THSD7B: variants seen among roughly 807,000 people sequenced by gnomAD.
THSD7B encodes the protein thrombospondin type 1 domain containing 7B.
In THSD7B, 138 loss-of-function variants were observed where a neutral mutation model predicts 213.6. That is an observed-to-expected ratio of 0.65 (90% CI 0.56 to 0.74). THSD7B has a LOEUF of 0.74. Among genes scored for constraint, THSD7B ranks in the 30% least tolerant of loss-of-function variants. The pLI is 0.00. For synonymous variants in THSD7B, 742 were observed against 687.0 expected, an observed-to-expected ratio of 1.08 and a Z score of -1.25; for missense variants, 1,931 against 1,991.5, an observed-to-expected ratio of 0.97 and a Z score of 0.58.
intron 2 of THSD7B, among the ~76,000 whole-genome samples, chr2:136,926,268 T>C (rs1206280411): frequency 1.3e-5 from 2 of 152,132 alleles, no homozygotes; most frequent in African/African-American, 4.8e-5. Context: ...TTAACTGAAG[T>C]AGTTCTACTT....
chr2:136,918,131 A>G (rs749945817), intron 2 of THSD7B, among the ~76,000 whole-genome samples: 1 of 152,196 alleles, frequency 6.6e-6, no homozygotes, highest in Non-Finnish European at 1.5e-5. Context: ...CATGAAATGG[A>G]TTACAGAGAT....
At chr2:137,610,289 G>C (rs929877078) in intron 17 of THSD7B, among the ~76,000 whole-genome samples, 4 of 152,056 alleles carry the variant, frequency 2.6e-5, no homozygotes, top group African/African-American at 7.2e-5. Flanking sequence ...TTTCTAACAA[G>C]TTGCCAGGTG....
intron 4 of THSD7B, among the ~76,000 whole-genome samples, chr2:137,101,917 C>T (rs1034815622): frequency 1.3e-5 from 2 of 152,240 alleles, no homozygotes; most frequent in Non-Finnish European, 2.9e-5. Context: ...AAACTCCCAT[C>T]TCCCTAGGAC....
At chr2:137,114,985 G>A in intron 4 of THSD7B, 139 bp from the exon 5 acceptor site, 1 of 847,420 alleles carries the variant, frequency 1.2e-6, no homozygotes, top group East Asian at 2.7e-5. Context: ...TTCAAAGCTA[G>A]TATACTTCTT....
intron 1 of THSD7B, among the ~76,000 whole-genome samples, chr2:136,842,196 G>A (rs1682930749): frequency 6.6e-6 from 1 of 152,106 alleles, no homozygotes; most frequent in Admixed American, 6.6e-5. Context: ...CTGTGTTCTT[G>A]GGAAAATACT....
intron 1 of THSD7B, among the ~76,000 whole-genome samples, chr2:136,769,269 C>T (rs1681463328): frequency 6.6e-6 from 1 of 152,136 alleles, no homozygotes; most frequent in Admixed American, 6.5e-5. Flanking sequence ...TACATTTATG[C>T]TTTCATTCTA....
At position 137,056,531 on chromosome 2, in the gene THSD7B, G is replaced by T. The variant is rs1387456355; in HGVS notation, c.251G>T (p.Ser84Ile). ...AGTCACCTGTCTAACTGTGGTGAGA[G>T]CAACAGGCCTCCAAAGGAAAGAAGT... ...WTSHLSNCGE[S>I]NRPPKERSCF... The change falls in exon 3 of 28, where the codon AGC (serine) becomes ATC (isoleucine). Residue 84 changes from serine (S) to isoleucine (I), a missense_variant. Physicochemically the swap from Ser to Ile is moderately radical, Grantham distance 142. Transcript: ENST00000409968. 1 of 1,613,970 alleles carries T rather than the reference G, an allele frequency of 6.2e-7. No homozygotes were observed. The highest frequency in any genetic ancestry group is 2.2e-5 in the East Asian group (1 of 44,862).
At chr2:137,119,696 A>G (rs4954469) in intron 5 of THSD7B, among the ~76,000 whole-genome samples, 109,186 of 152,036 alleles carry the variant, frequency 0.72, 40,113 homozygotes, top group Non-Finnish European at 0.79. Context: ...GATATGTGCT[A>G]CAGCCTTTTT....
chr2:137,572,352 A>G, intron 16 of THSD7B, 54 bp from the exon 17 acceptor site: 2 of 1,590,556 alleles, frequency 1.3e-6, no homozygotes, highest in South Asian at 1.1e-5. Flanking sequence ...ACTATTTTAA[A>G]TATACTCTCC....
chr2:137,092,119 A>T (rs190268510), intron 3 of THSD7B, among the ~76,000 whole-genome samples: 9 of 152,310 alleles, frequency 5.9e-5, no homozygotes, highest in African/African-American at 2.2e-4. Context: ...ATAGATTTTA[A>T]AAAAATAAAA....
At chr2:137,334,831 G>A (rs189950657) in intron 12 of THSD7B, among the ~76,000 whole-genome samples, 214 of 152,310 alleles carry the variant, frequency 1.4e-3, no homozygotes, top group African/African-American at 5.1e-3. Context: ...TCAAGGGTGG[G>A]ACCAGGTGGG....
chr2:136,766,465 T>C (rs1184334946), intron 1 of THSD7B, among the ~76,000 whole-genome samples: 2 of 152,110 alleles, frequency 1.3e-5, no homozygotes, highest in African/African-American at 2.4e-5. Flanking sequence ...CCTGTCCCCT[T>C]TGCTGTCTTA....
intron 10 of THSD7B, among the ~76,000 whole-genome samples, chr2:137,257,915 A>G (rs946276961): frequency 1.3e-5 from 2 of 152,210 alleles, no homozygotes; most frequent in African/African-American, 4.8e-5. Context: ...GGGACCTTGC[A>G]TGAGGAACAG....
intron 12 of THSD7B, among the ~76,000 whole-genome samples, chr2:137,393,605 A>G (rs1181568052): frequency 1.4e-5 from 2 of 145,958 alleles, no homozygotes; most frequent in Admixed American, 6.8e-5. Context: ...ATTGTGAATA[A>G]TGCCTCAATA....
At chr2:137,200,570 T>G (rs1396829431) in intron 7 of THSD7B, among the ~76,000 whole-genome samples, 1 of 152,186 alleles carries the variant, frequency 6.6e-6, no homozygotes, top group East Asian at 1.9e-4. Context: ...TGCCTAGTAC[T>G]CACATAAATA....
chr2:137,529,493 AC>A (rs143291463), intron 15 of THSD7B, among the ~76,000 whole-genome samples: 25,319 of 151,858 alleles, frequency 0.17, 2,247 homozygotes, highest in South Asian at 0.28. Context: ...GAGGAGTTGA[AC>A]CTTGAAAGAG....
chr2:137,064,792 C>G (rs1031691316), intron 3 of THSD7B, among the ~76,000 whole-genome samples: 1 of 151,788 alleles, frequency 6.6e-6, no homozygotes, highest in Non-Finnish European at 1.5e-5. Flanking sequence ...TTCTTGATAC[C>G]TTTGTCAAAA....
chr2:137,134,447 A>T, intron 5 of THSD7B, among the ~76,000 whole-genome samples: 1 of 152,176 alleles, frequency 6.6e-6, no homozygotes, highest in East Asian at 1.9e-4. Flanking sequence ...TACTCTGTGC[A>T]CAAGCTTACA....
intron 3 of THSD7B, among the ~76,000 whole-genome samples, chr2:137,072,268 C>T (rs1258742637): frequency 1.3e-5 from 2 of 152,124 alleles, no homozygotes; most frequent in Non-Finnish European, 2.9e-5. Context: ...TTCTTTGTAT[C>T]CTCTTTTATT....
Sources: allele counts gnomAD v4.1 joint callset (sites outside exome capture counted in the v4.1 genomes callset), GRCh38; gene constraint gnomAD v4.1.1; transcripts MANE v1.5; gene names NCBI Gene and HGNC (gene_info 2026-07-23, HGNC 2026-07-21).